STK33: variants seen among roughly 807,000 people sequenced by gnomAD.
STK33 encodes serine/threonine kinase 33, also known as serine/threonine-protein kinase 33.
A neutral mutation model predicts 58.0 loss-of-function variants in STK33; 52 were observed. That is an observed-to-expected ratio of 0.90 (90% CI 0.72 to 1.13). STK33 has a LOEUF of 1.13. Among genes scored for constraint, STK33 ranks in the 50% most tolerant of loss-of-function variants. The pLI is 0.00. For missense variants in STK33, 630 were observed against 604.2 expected (o/e 1.04, Z -0.45); for synonymous variants, 215 against 200.1 (o/e 1.07, Z -0.63).
chr11:8,574,814 G>A (rs1160542684), intron 1 of STK33, among the ~76,000 whole-genome samples: 2 of 151,836 alleles, frequency 1.3e-5, no homozygotes, highest in Non-Finnish European at 2.9e-5. Context: ...CAGGCCAGGA[G>A]AATTGCCTGA....
intron 1 of STK33, among the ~76,000 whole-genome samples, chr11:8,484,647 G>A (rs1950077023): frequency 6.6e-6 from 1 of 152,170 alleles, no homozygotes; most frequent in Non-Finnish European, 1.5e-5. Flanking sequence ...TTTTAATTTA[G>A]CCAAGACCAA....
At chr11:8,530,892 T>C (rs1313979782) in intron 1 of STK33, among the ~76,000 whole-genome samples, 1 of 151,888 alleles carries the variant, frequency 6.6e-6, no homozygotes, top group African/African-American at 2.4e-5. Flanking sequence ...GGTTTTGCCA[T>C]GTTGGCCAGG....
intron 15 of STK33, among the ~76,000 whole-genome samples, chr11:8,410,199 A>G (rs1300708927): frequency 1.3e-5 from 2 of 152,246 alleles, no homozygotes; most frequent in African/African-American, 4.8e-5. Context: ...GTTTTTCCTC[A>G]CAGAAACATT....
At chr11:8,449,751 C>T (rs1425894804) in intron 11 of STK33, among the ~76,000 whole-genome samples, 1 of 151,914 alleles carries the variant, frequency 6.6e-6, no homozygotes, top group Non-Finnish European at 1.5e-5. Context: ...GCACGTTGTG[C>T]ACATGTACCC....
chr11:8,413,682 A>C lies in STK33; in HGVS notation c.1157T>G (p.Leu386Arg). The C allele has an allele frequency of 6.2e-7, 1 of 1,612,710 alleles. No homozygotes were observed. The highest frequency in any genetic ancestry group is 8.5e-7 in the Non-Finnish European group (1 of 1,178,990). The change falls in exon 15 of 16, where the codon CTT becomes CGT. Residue 386 changes from leucine to arginine, a missense_variant. Transcript: ENST00000687296. ...LDNQWLTGNK[L>R]SSVRPTNVLE... ...TACATTGGTTGGTCTCACCGAAGAA[A>C]GTTTATTGCCCTAATATTAACAATC...
At chr11:8,461,597 T>C (rs540919781) in intron 8 of STK33, among the ~76,000 whole-genome samples, 87 of 152,304 alleles carry the variant, frequency 5.7e-4, no homozygotes, top group African/African-American at 2.0e-3. Flanking sequence ...ACCCAGAACA[T>C]ATTACTGAAG....
intron 15 of STK33, among the ~76,000 whole-genome samples, chr11:8,396,411 C>T (rs1391474510): frequency 6.6e-6 from 1 of 152,184 alleles, no homozygotes; most frequent in African/African-American, 2.4e-5. Flanking sequence ...TCTCTCTTTA[C>T]TAAATTCCAG....
At chr11:8,570,281 T>C (rs1203136703) in intron 1 of STK33, among the ~76,000 whole-genome samples, 5 of 152,200 alleles carry the variant, frequency 3.3e-5, no homozygotes, top group African/African-American at 1.2e-4. Flanking sequence ...TAGGGAAGGA[T>C]GTAAGGTTCT....
chr11:8,355,922 A>G, the STK33 span, among the ~76,000 whole-genome samples: 1 of 152,128 alleles, frequency 6.6e-6, no homozygotes, highest in Admixed American at 6.5e-5. Context: ...CCACATGGAG[A>G]AGGAGTGCTG....
At chr11:8,462,892 T>C (rs1036805009) in intron 7 of STK33, among the ~76,000 whole-genome samples, 1 of 152,158 alleles carries the variant, frequency 6.6e-6, no homozygotes, top group Admixed American at 6.5e-5. Context: ...ATTGTCCTCA[T>C]TTATTTCTAA....
rs1943948233 is a variant in STK33, at chr11:8,435,477, G to T, written c.1146+17C>A. On this transcript the variant is annotated intron_variant, in intron 14 of 15. Coordinates refer to ENST00000687296, the MANE Select transcript of STK33 (RefSeq NM_001352389.2). ...ATGGTAGCATGTCAGAAAGAAAAAAGTAATATTGTAACTTACTGTTAACCA... is the reference window on the plus strand; with the variant it reads ...ATGGTAGCATGTCAGAAAGAAAAAATTAATATTGTAACTTACTGTTAACCA... 1.5e-6 allele frequency: 2 copies of T among 1,327,888 alleles called. No individual in the cohort carries two copies. Among genetic ancestry groups the T allele is most frequent in the Non-Finnish European group, 2.0e-6 (2 of 1,003,540 alleles). 82.3% of individuals were successfully genotyped at this position (1,327,888 alleles called of 1,614,324 possible).
At chr11:8,444,983 T>G (rs1359031311) in intron 11 of STK33, among the ~76,000 whole-genome samples, 8 of 152,216 alleles carry the variant, frequency 5.3e-5, no homozygotes, top group Admixed American at 5.2e-4. Context: ...CTTTGGACAC[T>G]ATGGCGATTT....
At chr11:8,423,423 GT>G (rs2135946679) in intron 14 of STK33, among the ~76,000 whole-genome samples, 1 of 152,010 alleles carries the variant, frequency 6.6e-6, no homozygotes, top group Admixed American at 6.6e-5. Flanking sequence ...GTTTTGGTAT[GT>G]TGTATTTTCA....
chr11:8,476,075 A>AC (rs1949241822), intron 4 of STK33, among the ~76,000 whole-genome samples: 1 of 152,196 alleles, frequency 6.6e-6, no homozygotes, highest in African/African-American at 2.4e-5. Context: ...ATACGATTTT[A>AC]TAAAAGATAT....
At chr11:8,335,222 G>A in the STK33 span, among the ~76,000 whole-genome samples, 6 of 152,306 alleles carry the variant, frequency 3.9e-5, no homozygotes, top group African/African-American at 1.2e-4. Context: ...CCTCCTGATC[G>A]CTAGCGGGGT....
intron 14 of STK33, among the ~76,000 whole-genome samples, chr11:8,429,312 T>C (rs1943133940): frequency 6.6e-6 from 1 of 152,228 alleles, no homozygotes; most frequent in Non-Finnish European, 1.5e-5. Flanking sequence ...ACTCGTCATT[T>C]TTCAAAATTC....
intron 1 of STK33, among the ~76,000 whole-genome samples, chr11:8,568,101 A>G (rs9736791): frequency 0.53 from 80,381 of 151,960 alleles, 21,357 homozygotes; most frequent in South Asian, 0.65. Context: ...CCTTAGTACA[A>G]AATAATTGCC....
At chr11:8,455,962 C>T (rs1946813231) in intron 9 of STK33, among the ~76,000 whole-genome samples, 1 of 151,954 alleles carries the variant, frequency 6.6e-6, no homozygotes, top group Admixed American at 6.6e-5. Flanking sequence ...GTTTCCATTG[C>T]TCTTCTTGTC....
downstream of STK33, among the ~76,000 whole-genome samples, chr11:8,387,635 C>G (rs1309144196): frequency 6.6e-6 from 1 of 152,142 alleles, no homozygotes; most frequent in East Asian, 1.9e-4. Flanking sequence ...AAAATGGATC[C>G]CATCCACTAT....
Sources: gnomAD v4.1 joint callset for allele counts (sites outside exome capture counted in the v4.1 genomes callset) on GRCh38, gnomAD v4.1.1 for gene constraint, MANE v1.5 for transcripts, NCBI Gene and HGNC (gene_info 2026-07-23, HGNC 2026-07-21) for gene names.